Variants in CDH13 observed in about 807,000 individuals in gnomAD.
CDH13 encodes the protein cadherin-13.
In CDH13, 24 loss-of-function variants were observed where a neutral mutation model predicts 63.8. The ratio of observed to expected loss-of-function variants is 0.38; its 90% CI spans 0.27 to 0.53. The LOEUF (loss-of-function observed/expected upper bound fraction) is 0.53. Ranked by LOEUF, CDH13 falls within the 20% of genes least tolerant of loss-of-function variation. The pLI, the probability that CDH13 is intolerant of heterozygous loss-of-function variation, is 0.85. For synonymous variants in CDH13, 503 were observed against 355.3 expected (o/e 1.42, Z -4.67); for missense variants, 1,049 against 903.1 (o/e 1.16, Z -2.07).
chr16:82,868,177 A>G (rs886703784), intron 2 of CDH13, among the ~76,000 whole-genome samples: 2 of 152,200 alleles, frequency 1.3e-5, no homozygotes, highest in African/African-American at 2.4e-5. Flanking sequence ...CGATGTGCCA[A>G]GGAAAATTAT....
chr16:82,652,706 GT>G (rs10719140), intron 1 of CDH13, among the ~76,000 whole-genome samples: 13,330 of 120,898 alleles, frequency 0.11, 638 homozygotes, highest in African/African-American at 0.17. Flanking sequence ...ACCTAGAATT[GT>G]TTTTTTTTTT....
chr16:83,538,170 G>A (rs1312882293), intron 7 of CDH13, among the ~76,000 whole-genome samples: 1 of 152,192 alleles, frequency 6.6e-6, no homozygotes, highest in Non-Finnish European at 1.5e-5. Flanking sequence ...GAGTGGCTCA[G>A]GAGAAAATCA....
At chr16:83,615,881 A>G (rs1909239472) in intron 8 of CDH13, among the ~76,000 whole-genome samples, 1 of 152,298 alleles carries the variant, frequency 6.6e-6, no homozygotes, top group South Asian at 2.1e-4. Flanking sequence ...CAACACCTTC[A>G]TTTCACATTT....
intron 2 of CDH13, among the ~76,000 whole-genome samples, chr16:82,958,102 G>A (rs956828553): frequency 6.6e-6 from 1 of 152,156 alleles, no homozygotes; most frequent in Non-Finnish European, 1.5e-5. Flanking sequence ...CTCAGAGTCT[G>A]CTGTGTGCCA....
At chr16:83,747,760 C>T (rs564533659) in intron 10 of CDH13, among the ~76,000 whole-genome samples, 21 of 147,944 alleles carry the variant, frequency 1.4e-4, no homozygotes, top group Non-Finnish European at 2.1e-4. Flanking sequence ...AGTCCACATA[C>T]GAGATACATC....
chr16:83,404,902 A>G (rs566329039), intron 6 of CDH13, among the ~76,000 whole-genome samples: 1 of 152,310 alleles, frequency 6.6e-6, no homozygotes, highest in East Asian at 1.9e-4. Context: ...CATTTTATGG[A>G]TGAACCATAA....
intron 10 of CDH13, among the ~76,000 whole-genome samples, chr16:83,727,774 T>A (rs1910582575): frequency 6.6e-6 from 1 of 152,102 alleles, no homozygotes; most frequent in Non-Finnish European, 1.5e-5. Flanking sequence ...GGTTTGGGAA[T>A]GACAGATCCC....
intron 3 of CDH13, among the ~76,000 whole-genome samples, chr16:83,094,212 G>C (rs533251984): frequency 6.6e-6 from 1 of 152,190 alleles, no homozygotes; most frequent in Non-Finnish European, 1.5e-5. Flanking sequence ...CGCCTGGTCT[G>C]TGCTGCACGT....
intron 5 of CDH13, among the ~76,000 whole-genome samples, chr16:83,337,311 C>A (rs1020741074): frequency 1.3e-5 from 2 of 152,172 alleles, no homozygotes; most frequent in Non-Finnish European, 2.9e-5. Context: ...GGGCCCTAAA[C>A]TCAAGGCTGA....
At chr16:83,562,167 C>G (rs1371163531) in intron 7 of CDH13, among the ~76,000 whole-genome samples, 1 of 152,126 alleles carries the variant, frequency 6.6e-6, no homozygotes, top group Non-Finnish European at 1.5e-5. Flanking sequence ...TTTGGAGGCT[C>G]TGACATAGTG....
At chr16:82,679,053 A>G (rs1485987343) in intron 1 of CDH13, among the ~76,000 whole-genome samples, 2 of 152,174 alleles carry the variant, frequency 1.3e-5, no homozygotes, top group Non-Finnish European at 2.9e-5. Flanking sequence ...ACAGCTATAG[A>G]AAGTGCCTCA....
chr16:82,810,206 C>A (rs570546513), intron 1 of CDH13, among the ~76,000 whole-genome samples: 6 of 152,292 alleles, frequency 3.9e-5, no homozygotes, highest in Admixed American at 6.5e-5. Flanking sequence ...TAGGCAAAAA[C>A]GTATCCAGTT....
At chr16:83,709,874 A>G (rs955157242) in intron 10 of CDH13, among the ~76,000 whole-genome samples, 1 of 152,224 alleles carries the variant, frequency 6.6e-6, no homozygotes, top group African/African-American at 2.4e-5. Context: ...TTCTCAGTTC[A>G]TTATTTCCAC....
At chr16:82,993,088 C>T (rs1316087336) in intron 2 of CDH13, among the ~76,000 whole-genome samples, 1 of 152,132 alleles carries the variant, frequency 6.6e-6, no homozygotes, top group Non-Finnish European at 1.5e-5. Context: ...TCTTCTGATT[C>T]CACCTTTGAT....
intron 10 of CDH13, among the ~76,000 whole-genome samples, chr16:83,716,529 G>A (rs1172692800): frequency 6.6e-6 from 1 of 152,048 alleles, no homozygotes; most frequent in Non-Finnish European, 1.5e-5. Flanking sequence ...TGTCACCCAG[G>A]CTGGAGTGCA....
At chr16:83,591,294 C>A (rs1407225774) in intron 7 of CDH13, among the ~76,000 whole-genome samples, 1 of 152,168 alleles carries the variant, frequency 6.6e-6, no homozygotes, top group Admixed American at 6.5e-5. Flanking sequence ...TATGTCAGGG[C>A]CCAGGTCTAG....
At chr16:83,001,714 T>C (rs1912954252) in intron 2 of CDH13, among the ~76,000 whole-genome samples, 1 of 152,234 alleles carries the variant, frequency 6.6e-6, no homozygotes, top group Non-Finnish European at 1.5e-5. Context: ...CTACGGATGA[T>C]TGGCTGTGAC....
chr16:83,572,131 A>G (rs1904682440), intron 7 of CDH13, among the ~76,000 whole-genome samples: 8 of 151,854 alleles, frequency 5.3e-5, no homozygotes, highest in Admixed American at 4.6e-4. Context: ...GTCATCATCA[A>G]AACCCTAATT....
chr16:83,190,520 C>T (rs1296646513), intron 4 of CDH13, among the ~76,000 whole-genome samples: 1 of 152,122 alleles, frequency 6.6e-6, no homozygotes, highest in Non-Finnish European at 1.5e-5. Context: ...CCCTATGCCC[C>T]CATACTGTTC....
Sources: gnomAD v4.1 joint callset for allele counts (sites outside exome capture counted in the v4.1 genomes callset) on GRCh38, gnomAD v4.1.1 for gene constraint, MANE v1.5 for transcripts, NCBI Gene and HGNC (gene_info 2026-07-23, HGNC 2026-07-21) for gene names.